KCNMB2: variants seen among roughly 807,000 people sequenced by gnomAD.
KCNMB2 encodes potassium calcium-activated channel subfamily M regulatory beta subunit 2, also known as calcium-activated potassium channel subunit beta-2.
In KCNMB2, 9 loss-of-function variants were observed where a neutral mutation model predicts 24.5. The ratio of observed to expected loss-of-function variants is 0.37; its 90% CI spans 0.22 to 0.64. KCNMB2 has a LOEUF of 0.64. Ranked by LOEUF, KCNMB2 falls within the 30% of genes least tolerant of loss-of-function variation. The probability of loss-of-function intolerance (pLI) is 0.63; values close to 1 mark genes in which losing one functional copy is unlikely to be tolerated. For missense variants in KCNMB2, 226 were observed against 284.3 expected (o/e 0.79, Z 1.47); for synonymous variants, 109 against 104.4 (o/e 1.04, Z -0.27).
chr3:178,539,915 G>T (rs143913376), intron 1 of KCNMB2, among the ~76,000 whole-genome samples: 15 of 152,134 alleles, frequency 9.9e-5, no homozygotes, highest in African/African-American at 3.4e-4. Flanking sequence ...AGCCCTAAAT[G>T]AGTTCAATCA....
intron 1 of KCNMB2, among the ~76,000 whole-genome samples, chr3:178,709,115 T>C (rs1722371518): frequency 6.6e-6 from 1 of 152,160 alleles, no homozygotes; most frequent in South Asian, 2.1e-4. Flanking sequence ...TCTCTGCAAA[T>C]TCCCAAAGAT....
Position 178,796,876 on chromosome 3 carries a change from TAAAAG to T in KCNMB2, c.-67-10460_-67-10456del, listed in dbSNP as rs138125726. On this transcript the variant is annotated intron_variant, in intron 1 of 4. Transcript: ENST00000452583. ...AGAAGCAAACCAAACCCATTCTTAA[TAAAAG>T]AAAAGACATAACAGAGAGCAGAAAT... 4.7e-3 allele frequency among the ~76,000 whole-genome samples: 708 copies of T among 151,406 alleles called. 3 individuals carry two copies. The highest frequency in any genetic ancestry group is 0.017 in the African/African-American group (685 of 41,276).
chr3:178,546,489 G>A (rs1167429011), intron 1 of KCNMB2, among the ~76,000 whole-genome samples: 2 of 152,144 alleles, frequency 1.3e-5, no homozygotes, highest in Non-Finnish European at 1.5e-5. Flanking sequence ...AGATAAAAAG[G>A]AAGCTACTTA....
chr3:178,748,936 G>C (rs891938120), intron 1 of KCNMB2: 2 of 152,184 alleles, frequency 1.3e-5, no homozygotes, highest in African/African-American at 4.8e-5. Flanking sequence ...GCAAGTAATT[G>C]TGACCATAAC....
At chr3:178,545,545 A>G (rs1715745884) in intron 1 of KCNMB2, among the ~76,000 whole-genome samples, 1 of 152,240 alleles carries the variant, frequency 6.6e-6, no homozygotes, top group African/African-American at 2.4e-5. Context: ...GCAGAGAATC[A>G]TTCCGGACAT....
In KCNMB2 at chr3:178,655,265, A is replaced by G. The variant is rs149802407; in HGVS notation, c.-68+118554A>G. Among the ~76,000 whole-genome samples the G allele has an allele frequency of 7.5e-4, 114 of 152,264 alleles. 1 individual carries two copies. The East Asian group carries it at 0.019, about 25-fold the overall frequency. ...TTCAGTATTAATTTTAATTCTCTCA[A>G]AAATGTAAGATAATTATTGTATTAT... is the stretch of plus-strand genomic sequence containing the variant. On this transcript the variant is annotated intron_variant, in intron 1 of 4. Transcript: ENST00000452583.
chr3:178,675,793 G>A (rs560424820), intron 1 of KCNMB2, among the ~76,000 whole-genome samples: 7 of 152,224 alleles, frequency 4.6e-5, no homozygotes, highest in South Asian at 4.1e-4. Flanking sequence ...TGCTAGAGCC[G>A]GTGGCTAGAG....
chr3:178,689,945 C>T (rs879279629), intron 1 of KCNMB2, among the ~76,000 whole-genome samples: 16 of 151,556 alleles, frequency 1.1e-4, no homozygotes, highest in Admixed American at 9.8e-4. Flanking sequence ...AGGAGAGAGA[C>T]CTTAAAGTGT....
chr3:178,706,974 G>A (rs571556869), intron 1 of KCNMB2, among the ~76,000 whole-genome samples: 15 of 152,184 alleles, frequency 9.9e-5, no homozygotes, highest in Non-Finnish European at 1.8e-4. Context: ...AATCCTGCAC[G>A]TTCTGCACAT....
chr3:178,715,195 T>A (rs1485136546), intron 1 of KCNMB2, among the ~76,000 whole-genome samples: 1 of 152,154 alleles, frequency 6.6e-6, no homozygotes, highest in Non-Finnish European at 1.5e-5. Context: ...GCCTCATGCT[T>A]TTCTGAAACA....
intron 1 of KCNMB2, among the ~76,000 whole-genome samples, chr3:178,664,864 AT>A (rs1217625981): frequency 6.6e-6 from 1 of 152,162 alleles, no homozygotes; most frequent in Non-Finnish European, 1.5e-5. Context: ...AAAGAGATAT[AT>A]TGTGAAGATA....
intron 1 of KCNMB2, among the ~76,000 whole-genome samples, chr3:178,575,799 T>C (rs1357234714): frequency 2.6e-5 from 4 of 152,188 alleles, no homozygotes; most frequent in East Asian, 1.9e-4. Flanking sequence ...GCTTGAACTT[T>C]ATAGGGAAAA....
chr3:178,782,934 T>G (rs1283938198), intron 1 of KCNMB2, among the ~76,000 whole-genome samples: 4 of 151,366 alleles, frequency 2.6e-5, no homozygotes, highest in Admixed American at 1.3e-4. Flanking sequence ...GGTCTAACAT[T>G]TAAGTCTTTA....
At chr3:178,826,921 C>A (rs1481031722) in intron 3 of KCNMB2, among the ~76,000 whole-genome samples, 1 of 152,192 alleles carries the variant, frequency 6.6e-6, no homozygotes, top group Non-Finnish European at 1.5e-5. Context: ...TTCAGCTCTT[C>A]ACATCTGGTT....
intron 1 of KCNMB2, among the ~76,000 whole-genome samples, chr3:178,586,534 C>CTTT (rs1717436976): frequency 3.1e-4 from 21 of 68,476 alleles, no homozygotes; most frequent in East Asian, 8.0e-4. Flanking sequence ...TTTTTTTTTT[C>CTTT]TTTCTTTTTT....
chr3:178,596,596 C>T (rs1376147428), intron 1 of KCNMB2, among the ~76,000 whole-genome samples: 2 of 152,068 alleles, frequency 1.3e-5, no homozygotes, highest in Admixed American at 1.3e-4. Context: ...CTACTTCATC[C>T]TCTGGATGAG....
intron 1 of KCNMB2, among the ~76,000 whole-genome samples, chr3:178,755,300 A>T (rs1723993299): frequency 6.6e-6 from 1 of 152,248 alleles, no homozygotes; most frequent in African/African-American, 2.4e-5. Flanking sequence ...ACTTCCTCAC[A>T]CTTACTGTAC....
intron 1 of KCNMB2, among the ~76,000 whole-genome samples, chr3:178,688,665 T>C (rs190398514): frequency 2.0e-5 from 3 of 152,258 alleles, no homozygotes; most frequent in Non-Finnish European, 4.4e-5. Context: ...AAGAAAACCC[T>C]AAAGATAGAC....
At chr3:178,768,955 C>T (rs575475107) in intron 1 of KCNMB2, among the ~76,000 whole-genome samples, 2 of 136,564 alleles carry the variant, frequency 1.5e-5, no homozygotes, top group African/African-American at 2.7e-5. Flanking sequence ...CAACATTGCA[C>T]GGTGAAGAAG....
Sources: allele counts gnomAD v4.1 joint callset (sites outside exome capture counted in the v4.1 genomes callset), GRCh38; gene constraint gnomAD v4.1.1; transcripts MANE v1.5; gene names NCBI Gene and HGNC (gene_info 2026-07-23, HGNC 2026-07-21).